The following PTER variants were observed in gnomAD, a reference collection of about 807,000 sequenced individuals.
The protein encoded by PTER is N-acetyltaurine hydrolase.
PTER carries 38 observed loss-of-function variants against 29.6 expected under a neutral mutation model. The observed-to-expected ratio is 1.28, with a 90% CI of 0.99 to 1.68. The LOEUF (loss-of-function observed/expected upper bound fraction) is 1.68, where lower values mean the gene tolerates loss of function less well. PTER is among the 40% of genes most tolerant of loss of function. The pLI, the probability that PTER is intolerant of heterozygous loss-of-function variation, is 0.00. For synonymous variants in PTER, 172 were observed against 154.5 expected, an observed-to-expected ratio of 1.11 and a Z score of -0.84; for missense variants, 482 against 427.8, an observed-to-expected ratio of 1.13 and a Z score of -1.12.
chr10:16,456,862 T>TGGGA (rs1554787513), intron 1 of PTER, among the ~76,000 whole-genome samples: 1 of 113,598 alleles, frequency 8.8e-6, no homozygotes, highest in African/African-American at 3.3e-5. Flanking sequence ...ATGGGGAAGG[T>TGGGA]GGGGGGGGGT....
At chr10:16,437,194 G>A (rs1037944103) in intron 1 of PTER, 147 bp downstream of exon 1, 3 of 152,302 alleles carry the variant, frequency 2.0e-5, no homozygotes, top group African/African-American at 7.2e-5. Flanking sequence ...TAGCCGCTGC[G>A]CTTGGGCCCT....
In PTER at chr10:16,440,684, T is replaced by G. The variant is rs552240846; in HGVS notation, c.-49+3637T>G. On this transcript the variant is annotated intron_variant, in intron 1 of 4. Coordinates refer to ENST00000535784, the MANE Select transcript of PTER (RefSeq NM_001261836.2). Reference sequence around the variant, plus strand: ...AAAGCCAGTGAAAGATTTGTCACAATCACTTTCCCTCTGCCGCAGTGACCA... The same window carrying G: ...AAAGCCAGTGAAAGATTTGTCACAAGCACTTTCCCTCTGCCGCAGTGACCA... Among the ~76,000 whole-genome samples, 13 of 152,306 alleles carry G rather than the reference T, an allele frequency of 8.5e-5. No homozygotes were observed. The South Asian group carries it at 1.4e-3, about 17-fold the overall frequency.
chr10:16,470,341 A>G (rs751624830), intron 1 of PTER, among the ~76,000 whole-genome samples: 3 of 152,250 alleles, frequency 2.0e-5, no homozygotes, highest in Non-Finnish European at 4.4e-5. Flanking sequence ...CAGGACTCTT[A>G]TCTATCTTTG....
chr10:16,463,677 A>C (rs547097649), intron 1 of PTER, among the ~76,000 whole-genome samples: 39 of 152,260 alleles, frequency 2.6e-4, no homozygotes, highest in African/African-American at 9.1e-4. Context: ...CGGCTTCCCA[A>C]ACTGCTGGGA....
At chr10:16,505,254 T>A in intron 4 of PTER, 94 bp downstream of exon 4, 1 of 1,469,962 alleles carries the variant, frequency 6.8e-7, no homozygotes, top group Non-Finnish European at 9.2e-7. Context: ...CAGAAAACAG[T>A]AAGCAGGCCG....
At chr10:16,472,455 C>G (rs1320619948) in intron 1 of PTER, among the ~76,000 whole-genome samples, 1 of 152,080 alleles carries the variant, frequency 6.6e-6, no homozygotes, top group Non-Finnish European at 1.5e-5. Context: ...CTCATGAGAT[C>G]CGCTGGTTTT....
At chr10:16,496,328 G>A (rs561209477) in intron 3 of PTER, among the ~76,000 whole-genome samples, 39 of 152,192 alleles carry the variant, frequency 2.6e-4, no homozygotes, top group Non-Finnish European at 3.8e-4. Flanking sequence ...CACAAAATCC[G>A]AAGGTCTTGG....
chr10:16,506,916 G>A (rs572451615), intron 4 of PTER, among the ~76,000 whole-genome samples: 2 of 152,078 alleles, frequency 1.3e-5, no homozygotes, highest in East Asian at 3.9e-4. Context: ...CTGTGTATTG[G>A]CACCAATGCA....
At position 16,511,883 on chromosome 10, in the gene PTER, G is replaced by A. The variant is rs1269711868; in HGVS notation, c.*627G>A. On this transcript the variant is annotated 3_prime_UTR_variant, in exon 5 of 5. Coordinates refer to ENST00000535784, the MANE Select transcript of PTER (RefSeq NM_001261836.2). The stretch of plus-strand genomic sequence containing the variant: ...TGATTTTGATATCTTTGGCTTTCCG[G>A]TATCTATTTTTGCCATACATTTTGC... The A allele has an allele frequency of 1.3e-5, 2 of 152,560 alleles. No individual in the cohort carries two copies. Among genetic ancestry groups the A allele is most frequent in the African/African-American group, 2.4e-5 (1 of 41,374 alleles). The allele number at this position is 152,560 out of a possible 1,614,324, so 9.5% of individuals were successfully genotyped here.
chr10:16,466,398 C>T (rs947536186), intron 1 of PTER, among the ~76,000 whole-genome samples: 6 of 152,058 alleles, frequency 3.9e-5, no homozygotes, highest in African/African-American at 1.4e-4. Flanking sequence ...CCCTGTCACC[C>T]AGGTTGCAGT....
intron 1 of PTER, among the ~76,000 whole-genome samples, chr10:16,457,698 C>T (rs1834462758): frequency 6.6e-6 from 1 of 152,078 alleles, no homozygotes; most frequent in South Asian, 2.1e-4. Context: ...CTCCCAGGTT[C>T]AAGTGATTCT....
intron 1 of PTER, among the ~76,000 whole-genome samples, chr10:16,457,292 A>C (rs1254299968): frequency 6.6e-6 from 1 of 151,964 alleles, no homozygotes; most frequent in Non-Finnish European, 1.5e-5. Flanking sequence ...GGCTCACTGC[A>C]AGCTCCGCCT....
intron 1 of PTER, among the ~76,000 whole-genome samples, chr10:16,480,527 C>A (rs554671363): frequency 6.6e-6 from 1 of 151,980 alleles, no homozygotes; most frequent in Non-Finnish European, 1.5e-5. Flanking sequence ...AATTGTTAGA[C>A]GAGTACCTTC....
intron 1 of PTER, among the ~76,000 whole-genome samples, chr10:16,443,304 A>C (rs1833908916): frequency 6.6e-6 from 1 of 152,160 alleles, no homozygotes; most frequent in African/African-American, 2.4e-5. Flanking sequence ...GACCTACCCT[A>C]ACAACCCCCT....
intron 1 of PTER, among the ~76,000 whole-genome samples, chr10:16,469,795 T>A (rs540354423): frequency 3.9e-5 from 6 of 152,086 alleles, no homozygotes; most frequent in African/African-American, 1.4e-4. Context: ...CCAAGCTGAT[T>A]GCGAACTCCT....
intron 4 of PTER, among the ~76,000 whole-genome samples, chr10:16,508,156 C>T (rs1262285942): frequency 6.7e-6 from 1 of 148,854 alleles, no homozygotes; most frequent in Non-Finnish European, 1.5e-5. Flanking sequence ...GCAAGCTCTG[C>T]CTCCCAGGTT....
intron 1 of PTER, among the ~76,000 whole-genome samples, chr10:16,474,776 A>C (rs527737879): frequency 9.5e-4 from 145 of 152,180 alleles, no homozygotes; most frequent in Middle Eastern, 3.4e-3. Context: ...AATCCCAGCT[A>C]CTCAGGAGGC....
At chr10:16,457,372 C>A (rs946085602) in intron 1 of PTER, among the ~76,000 whole-genome samples, 1 of 152,002 alleles carries the variant, frequency 6.6e-6, no homozygotes, top group African/African-American at 2.4e-5. Flanking sequence ...GCCACCACGC[C>A]CAGCTAATTT....
At chr10:16,456,773 C>T (rs1380745681) in intron 1 of PTER, among the ~76,000 whole-genome samples, 1 of 150,496 alleles carries the variant, frequency 6.6e-6, no homozygotes, top group African/African-American at 2.5e-5. Context: ...GCTGTGTCCC[C>T]ATCCAAATCT....
Sources: gnomAD v4.1 joint callset for allele counts (sites outside exome capture counted in the v4.1 genomes callset) on GRCh38, gnomAD v4.1.1 for gene constraint, MANE v1.5 for transcripts, NCBI Gene and HGNC (gene_info 2026-07-23, HGNC 2026-07-21) for gene names.